PCCA: variants seen among roughly 807,000 people sequenced by gnomAD.
PCCA encodes propionyl-CoA carboxylase alpha chain, mitochondrial.
PCCA carries 74 observed loss-of-function variants against 101.3 expected under a neutral mutation model. That is an observed-to-expected ratio of 0.73 (90% CI 0.61 to 0.89). The LOEUF is 0.89. PCCA is among the 40% of genes least tolerant of loss of function. The pLI is 0.00. For missense variants in PCCA, 891 were observed against 907.0 expected (o/e 0.98, Z 0.23); for synonymous variants, 294 against 313.6 (o/e 0.94, Z 0.66).
chr13:100,129,082 G>A (rs1379315983), intron 4 of PCCA, among the ~76,000 whole-genome samples: 2 of 151,860 alleles, frequency 1.3e-5, no homozygotes, highest in Non-Finnish European at 2.9e-5. Context: ...TTGATCCTTC[G>A]GGCTTCTTGT....
At chr13:100,176,374 C>T (rs2056240194) in intron 6 of PCCA, among the ~76,000 whole-genome samples, 1 of 152,090 alleles carries the variant, frequency 6.6e-6, no homozygotes, top group Admixed American at 6.5e-5. Context: ...AAAACTCAGG[C>T]CTAGCTGTTT....
chr13:100,145,957 GAC>G (rs1344881775), intron 4 of PCCA, among the ~76,000 whole-genome samples: 1 of 141,412 alleles, frequency 7.1e-6, no homozygotes, highest in Non-Finnish European at 1.5e-5. Context: ...TTTTTTTTGA[GAC>G]AGAGTCTCAC....
intron 22 of PCCA, among the ~76,000 whole-genome samples, chr13:100,519,112 T>C (rs2087044235): frequency 5.3e-5 from 8 of 152,214 alleles, no homozygotes; most frequent in Admixed American, 5.2e-4. Flanking sequence ...ATTTTAATAT[T>C]GCATTTAGTT....
intron 12 of PCCA, among the ~76,000 whole-genome samples, chr13:100,284,787 C>G (rs556444113): frequency 2.0e-4 from 30 of 152,326 alleles, no homozygotes; most frequent in African/African-American, 6.5e-4. Flanking sequence ...TTGAGGATCC[C>G]ACAGACCACA....
intron 21 of PCCA, among the ~76,000 whole-genome samples, chr13:100,514,396 A>T (rs1181805728): frequency 6.6e-6 from 1 of 152,180 alleles, no homozygotes; most frequent in African/African-American, 2.4e-5. Flanking sequence ...CCCTGCCATC[A>T]TGATGCCCAC....
intron 7 of PCCA, among the ~76,000 whole-genome samples, chr13:100,226,722 CAAGT>C (rs1394337097): frequency 6.6e-6 from 1 of 152,100 alleles, no homozygotes; most frequent in Admixed American, 6.6e-5. Flanking sequence ...CAGGATATAA[CAAGT>C]AAGGCCAGGC....
chr13:100,143,278 C>T lies in PCCA; in HGVS notation c.301-11701C>T, dbSNP rs137936975. 9.1e-3 allele frequency among the ~76,000 whole-genome samples: 1,381 copies of T among 151,904 alleles called. 23 individuals carry two copies. The highest frequency in any genetic ancestry group is 0.032 in the African/African-American group (1,320 of 41,404). Reference sequence around the variant, plus strand: ...GGTGCGGTGGCTCATGCCTGTAATCCCAGCATTTTGGGATGCTGAGGTGGG... The same window carrying T: ...GGTGCGGTGGCTCATGCCTGTAATCTCAGCATTTTGGGATGCTGAGGTGGG... On this transcript the variant is annotated intron_variant, in intron 4 of 23. Transcript: ENST00000376285.
intron 8 of PCCA, among the ~76,000 whole-genome samples, chr13:100,246,514 G>T (rs1035866942): frequency 5.9e-5 from 9 of 152,006 alleles, no homozygotes; most frequent in African/African-American, 2.2e-4. Context: ...TTTTTGTAGA[G>T]ACAGGGTTTT....
intron 21 of PCCA, among the ~76,000 whole-genome samples, chr13:100,500,641 G>A (rs1594026992): frequency 6.6e-6 from 1 of 152,112 alleles, no homozygotes; most frequent in Non-Finnish European, 1.5e-5. Flanking sequence ...GAATATTAAG[G>A]TTACTTACAG....
At chr13:100,400,994 G>A (rs1032574840) in intron 19 of PCCA, among the ~76,000 whole-genome samples, 2 of 152,024 alleles carry the variant, frequency 1.3e-5, no homozygotes, top group African/African-American at 2.4e-5. Context: ...CAAAAAGAAA[G>A]TGCTTTTCTT....
intron 21 of PCCA, among the ~76,000 whole-genome samples, chr13:100,489,348 C>T (rs1243225867): frequency 6.6e-6 from 1 of 152,170 alleles, no homozygotes. Context: ...CATGCTCATT[C>T]CTGTATGTAC....
At chr13:100,095,943 G>A (rs1400727786) in intron 1 of PCCA, among the ~76,000 whole-genome samples, 1 of 152,086 alleles carries the variant, frequency 6.6e-6, no homozygotes, top group African/African-American at 2.4e-5. Flanking sequence ...TGGGAAGAGT[G>A]GAAACAGAGA....
At chr13:100,287,559 T>C (rs958009817) in intron 12 of PCCA, among the ~76,000 whole-genome samples, 2 of 152,152 alleles carry the variant, frequency 1.3e-5, no homozygotes, top group African/African-American at 4.8e-5. Context: ...GTATATTGTT[T>C]CTCTTTTACA....
chr13:100,298,380 G>A (rs1365030156), intron 12 of PCCA, among the ~76,000 whole-genome samples: 1 of 152,018 alleles, frequency 6.6e-6, no homozygotes, highest in African/African-American at 2.4e-5. Context: ...GTTGAACTGA[G>A]ATTAACCCGG....
At chr13:100,150,792 C>T (rs1257686331) in intron 4 of PCCA, 3 of 1,586,800 alleles carry the variant, frequency 1.9e-6, no homozygotes, top group Non-Finnish European at 2.6e-6. Flanking sequence ...TGCTCCTCTG[C>T]AACGGACTGA....
intron 20 of PCCA, among the ~76,000 whole-genome samples, chr13:100,432,006 C>G (rs1273777209): frequency 9.2e-5 from 14 of 151,990 alleles, no homozygotes; most frequent in Non-Finnish European, 2.9e-5. Context: ...ACCAGTCTGA[C>G]CTGTAACATG....
chr13:100,343,311 G>A (rs1382086431), intron 18 of PCCA, among the ~76,000 whole-genome samples: 1 of 151,850 alleles, frequency 6.6e-6, no homozygotes, highest in Admixed American at 6.5e-5. Context: ...AAGATGCTCA[G>A]CATCATCGGT....
At chr13:100,493,957 G>A (rs1409367504) in intron 21 of PCCA, among the ~76,000 whole-genome samples, 3 of 152,156 alleles carry the variant, frequency 2.0e-5, no homozygotes, top group Admixed American at 6.5e-5. Context: ...TTGGGAGGCC[G>A]AGGTGGGCAG....
chr13:100,259,580 G>A (rs1042712858), intron 9 of PCCA, among the ~76,000 whole-genome samples: 1 of 152,036 alleles, frequency 6.6e-6, no homozygotes, highest in East Asian at 1.9e-4. Context: ...TGATCTGCCT[G>A]CCTCGGCCTC....
Sources: gnomAD v4.1 joint callset for allele counts (sites outside exome capture counted in the v4.1 genomes callset) on GRCh38, gnomAD v4.1.1 for gene constraint, MANE v1.5 for transcripts, NCBI Gene and HGNC (gene_info 2026-07-23, HGNC 2026-07-21) for gene names.